The following PDZRN4 variants were observed in gnomAD, a reference collection of about 807,000 sequenced individuals.
The protein encoded by PDZRN4 is PDZ domain containing ring finger 4, also known as PDZ domain-containing RING finger protein 4.
A neutral mutation model predicts 99.0 loss-of-function variants in PDZRN4; 70 were observed. The observed-to-expected ratio is 0.71, with a 90% CI of 0.58 to 0.86. The LOEUF is 0.86. Ranked by LOEUF, PDZRN4 falls within the 40% of genes least tolerant of loss-of-function variation. PDZRN4 has a pLI of 0.00. For missense variants in PDZRN4, 1,474 were observed against 1,331.2 expected (o/e 1.11, Z -1.67); for synonymous variants, 551 against 501.6 (o/e 1.10, Z -1.32).
chr12:41,291,373 T>C (rs1951455831), intron 3 of PDZRN4, among the ~76,000 whole-genome samples: 2 of 152,182 alleles, frequency 1.3e-5, no homozygotes, highest in South Asian at 4.1e-4. Flanking sequence ...TAGCATTTCT[T>C]GGATGTAGCC....
intron 3 of PDZRN4, among the ~76,000 whole-genome samples, chr12:41,267,599 G>A (rs748849761): frequency 1.3e-5 from 2 of 151,736 alleles, no homozygotes; most frequent in Admixed American, 1.3e-4. Context: ...GGAGGCCAAG[G>A]CAGGTGGATC....
intron 7 of PDZRN4, among the ~76,000 whole-genome samples, chr12:41,557,692 T>G (rs551074799): frequency 6.6e-5 from 10 of 152,248 alleles, no homozygotes; most frequent in African/African-American, 2.4e-4. Context: ...CTTTTTTTTT[T>G]TTAACCGTGG....
At chr12:41,442,243 A>G (rs1471729072) in intron 3 of PDZRN4, among the ~76,000 whole-genome samples, 1 of 152,048 alleles carries the variant, frequency 6.6e-6, no homozygotes, top group Non-Finnish European at 1.5e-5. Flanking sequence ...CTTGTAACTT[A>G]CTTCCACTTT....
intron 3 of PDZRN4, among the ~76,000 whole-genome samples, chr12:41,422,303 T>C (rs1397371411): frequency 6.6e-6 from 1 of 152,130 alleles, no homozygotes; most frequent in Non-Finnish European, 1.5e-5. Context: ...ATGGCAGAAA[T>C]TGTGGAATAT....
At chr12:41,447,508 T>C (rs1396440682) in intron 3 of PDZRN4, among the ~76,000 whole-genome samples, 3 of 152,140 alleles carry the variant, frequency 2.0e-5, no homozygotes, top group Non-Finnish European at 4.4e-5. Context: ...GAGCCTCTGT[T>C]TAATTGATAA....
intron 3 of PDZRN4, among the ~76,000 whole-genome samples, chr12:41,499,196 T>C (rs1414811189): frequency 1.3e-5 from 2 of 151,920 alleles, no homozygotes; most frequent in Non-Finnish European, 2.9e-5. Context: ...TCTCTAACCA[T>C]TGGCTTAACC....
intron 5 of PDZRN4, among the ~76,000 whole-genome samples, chr12:41,540,416 T>A (rs534003701): frequency 6.6e-6 from 1 of 152,190 alleles, no homozygotes; most frequent in Non-Finnish European, 1.5e-5. Flanking sequence ...TATAAAAATA[T>A]AATAATATAA....
intron 6 of PDZRN4, among the ~76,000 whole-genome samples, chr12:41,555,015 G>T (rs112077815): frequency 0.033 from 4,819 of 144,522 alleles, 277 homozygotes; most frequent in African/African-American, 0.12. Flanking sequence ...AAGACCATCC[G>T]GGCTAACACG....
At chr12:41,336,862 G>C (rs543290321) in intron 3 of PDZRN4, among the ~76,000 whole-genome samples, 2 of 152,044 alleles carry the variant, frequency 1.3e-5, no homozygotes, top group Non-Finnish European at 2.9e-5. Context: ...AGTGTGTGTG[G>C]TATCAGCTGA....
intron 3 of PDZRN4, among the ~76,000 whole-genome samples, chr12:41,297,688 A>T (rs1951505220): frequency 1.3e-5 from 2 of 152,160 alleles, no homozygotes; most frequent in Non-Finnish European, 1.5e-5. Context: ...AAAGGGGAGA[A>T]TCTTTCCTTC....
At chr12:41,229,444 A>G (rs557873424) in intron 3 of PDZRN4, among the ~76,000 whole-genome samples, 15 of 152,074 alleles carry the variant, frequency 9.9e-5, no homozygotes, top group Non-Finnish European at 1.9e-4. Flanking sequence ...ATTAAACAGC[A>G]GATTCTCTGC....
Position 41,188,432 on chromosome 12 carries a change from C to T in PDZRN4, c.-24C>T, listed in dbSNP as rs772957598. 15 of 1,548,692 alleles carry T rather than the reference C, an allele frequency of 9.7e-6. No individual in the cohort carries two copies. In the South Asian group the frequency reaches 1.5e-4, roughly 16 times the overall value. ...GGAGAAGACGGACTCTGCTTTCGCTCCCCCTTTCTTCCCCATCCCTAACAT... is the reference window on the plus strand; with the variant it reads ...GGAGAAGACGGACTCTGCTTTCGCTTCCCCTTTCTTCCCCATCCCTAACAT... On this transcript the variant is annotated 5_prime_UTR_variant, in exon 1 of 10. Transcript: ENST00000402685.
At chr12:41,248,104 G>A (rs760345608) in intron 3 of PDZRN4, among the ~76,000 whole-genome samples, 2 of 152,166 alleles carry the variant, frequency 1.3e-5, no homozygotes, top group Admixed American at 6.6e-5. Context: ...TATTTAAACC[G>A]ATGTTGCCCA....
intron 3 of PDZRN4, among the ~76,000 whole-genome samples, chr12:41,394,317 C>T (rs1292716185): frequency 2.0e-5 from 3 of 152,108 alleles, no homozygotes; most frequent in East Asian, 1.9e-4. Flanking sequence ...TACTTATATT[C>T]GGTCTATTGC....
chr12:41,397,539 T>G (rs1952257673), intron 3 of PDZRN4, among the ~76,000 whole-genome samples: 1 of 152,188 alleles, frequency 6.6e-6, no homozygotes, highest in African/African-American at 2.4e-5. Flanking sequence ...CCAGTCTTAA[T>G]TAGAGTTTCG....
At chr12:41,355,346 G>T (rs1290584482) in intron 3 of PDZRN4, among the ~76,000 whole-genome samples, 3 of 151,922 alleles carry the variant, frequency 2.0e-5, no homozygotes, top group Non-Finnish European at 4.4e-5. Flanking sequence ...GTTAGGATGG[G>T]CCCTACCCTT....
intron 4 of PDZRN4, 44 bp from the exon 5 acceptor site, chr12:41,509,767 A>C (rs543687693): frequency 1.1e-6 from 1 of 889,384 alleles, no homozygotes; most frequent in Non-Finnish European, 1.8e-6. Context: ...TCTGGAAAAC[A>C]ACCCATTTAA....
intron 3 of PDZRN4, among the ~76,000 whole-genome samples, chr12:41,418,968 C>A (rs1439547012): frequency 6.6e-6 from 1 of 152,022 alleles, no homozygotes; most frequent in Non-Finnish European, 1.5e-5. Flanking sequence ...TTCTCGTAGC[C>A]AGAAGAAGAA....
intron 3 of PDZRN4, among the ~76,000 whole-genome samples, chr12:41,290,603 T>G (rs928093195): frequency 1.3e-5 from 2 of 152,114 alleles, no homozygotes; most frequent in African/African-American, 4.8e-5. Flanking sequence ...GGAAGAAAGA[T>G]CTAGAAAAAT....
Sources: gnomAD v4.1 joint callset for allele counts (sites outside exome capture counted in the v4.1 genomes callset) on GRCh38, gnomAD v4.1.1 for gene constraint, MANE v1.5 for transcripts, NCBI Gene and HGNC (gene_info 2026-07-23, HGNC 2026-07-21) for gene names.